Variants in NBEA observed in about 807,000 individuals in gnomAD.
NBEA encodes neurobeachin, also known as lysosomal-trafficking regulator 2.
Under a neutral mutation model 343.4 loss-of-function variants are expected in NBEA, and 44 were observed. The ratio of observed to expected loss-of-function variants is 0.13; its 90% CI spans 0.10 to 0.16. The LOEUF (loss-of-function observed/expected upper bound fraction) is 0.16, where lower values mean the gene tolerates loss of function less well. Ranked by LOEUF, NBEA falls within the 10% of genes least tolerant of loss-of-function variation. The pLI, the probability that NBEA is intolerant of heterozygous loss-of-function variation, is 1.00. For missense variants in NBEA, 2,555 were observed against 3,631.3 expected, an observed-to-expected ratio of 0.70 and a Z score of 7.62; for synonymous variants, 1,175 against 1,238.7, an observed-to-expected ratio of 0.95 and a Z score of 1.08.
intron 1 of NBEA, among the ~76,000 whole-genome samples, chr13:34,960,214 C>G (rs1413682769): frequency 6.6e-6 from 1 of 151,028 alleles, no homozygotes; most frequent in Non-Finnish European, 1.5e-5. Context: ...GTTTTTAACA[C>G]AAAAGTTTAA....
chr13:35,654,427 A>G (rs1018629048), intron 53 of NBEA, among the ~76,000 whole-genome samples: 2 of 152,224 alleles, frequency 1.3e-5, no homozygotes, highest in Admixed American at 1.3e-4. Context: ...TATAAATACC[A>G]TCTGAAAATG....
chr13:35,298,211 GTATATATA>G (rs72309538), intron 35 of NBEA, among the ~76,000 whole-genome samples: 26,533 of 102,406 alleles, frequency 0.26, 3,370 homozygotes, highest in Admixed American at 0.31. Flanking sequence ...GTGTGTGTGT[GTATATATA>G]TATATATATA....
chr13:35,130,503 A>G (rs2067359017), intron 17 of NBEA, among the ~76,000 whole-genome samples: 1 of 152,104 alleles, frequency 6.6e-6, no homozygotes, highest in Non-Finnish European at 1.5e-5. Context: ...CCACCATGTT[A>G]TGAAAAAGGT....
intron 38 of NBEA, among the ~76,000 whole-genome samples, chr13:35,417,091 A>G (rs1439158814): frequency 6.6e-6 from 1 of 152,064 alleles, no homozygotes. Context: ...TGTCCCCTTT[A>G]TCATTTTTTA....
intron 46 of NBEA, 55 bp downstream of exon 46, chr13:35,584,093 G>A (rs2081179322): frequency 6.9e-7 from 1 of 1,456,460 alleles, no homozygotes; most frequent in East Asian, 2.3e-5. Flanking sequence ...TTTAACATAA[G>A]TAAATTAAAT....
intron 34 of NBEA, among the ~76,000 whole-genome samples, chr13:35,282,167 C>T (rs1308672177): frequency 3.3e-5 from 5 of 152,096 alleles, no homozygotes; most frequent in African/African-American, 1.2e-4. Flanking sequence ...CCACCTCGGC[C>T]TCCCAAAGTG....
At chr13:35,067,540 A>G (rs1230545990) in intron 8 of NBEA, among the ~76,000 whole-genome samples, 3 of 152,068 alleles carry the variant, frequency 2.0e-5, no homozygotes, top group Admixed American at 6.6e-5. Flanking sequence ...CATCACTACA[A>G]TTTAATTTTA....
intron 40 of NBEA, among the ~76,000 whole-genome samples, chr13:35,455,462 A>T (rs912029134): frequency 1.3e-5 from 2 of 152,050 alleles, no homozygotes; most frequent in Non-Finnish European, 2.9e-5. Context: ...GCCAGACATC[A>T]AAACCAGCTT....
intron 1 of NBEA, among the ~76,000 whole-genome samples, chr13:34,987,780 C>G (rs1264033062): frequency 6.6e-6 from 1 of 150,978 alleles, no homozygotes; most frequent in Admixed American, 6.6e-5. Flanking sequence ...TCCACTTGAT[C>G]AAATAGGCTA....
At chr13:35,319,037 CT>C (rs1212432532) in intron 36 of NBEA, among the ~76,000 whole-genome samples, 1 of 152,018 alleles carries the variant, frequency 6.6e-6, no homozygotes, top group Non-Finnish European at 1.5e-5. Flanking sequence ...TTTTGTTAAT[CT>C]TTTCAAAAAC....
rs111725966 is a variant in NBEA, at chr13:35,308,635, G to GATAT, written c.5839-886_5839-883dup. 3.0e-5 allele frequency among the ~76,000 whole-genome samples: 4 copies of GATAT among 134,038 alleles called. No individual in the cohort carries two copies. The South Asian group carries it at 9.4e-4, about 31-fold the overall frequency. 87.9% of individuals were successfully genotyped at this position (134,038 alleles called of 152,430 possible). A position where few individuals can be genotyped will look rare whatever the true frequency, so the allele number is the denominator to read the frequency against. ...ATATATATATGCACACACACACACA[G>GATAT]ATATATATATGTATTTAAAACCCCA... is the stretch of plus-strand genomic sequence containing the variant. On this transcript the variant is annotated intron_variant, in intron 35 of 58. Coordinates refer to ENST00000379939, the MANE Select transcript of NBEA (RefSeq NM_001385012.1).
chr13:35,126,081 C>G (rs1196688105), intron 17 of NBEA, among the ~76,000 whole-genome samples: 1 of 152,144 alleles, frequency 6.6e-6, no homozygotes, highest in African/African-American at 2.4e-5. Context: ...GTAATCCTCA[C>G]CTGTAAAGGG....
At chr13:35,117,063 A>G (rs898345777) in intron 13 of NBEA, among the ~76,000 whole-genome samples, 5 of 152,102 alleles carry the variant, frequency 3.3e-5, no homozygotes, top group Admixed American at 3.3e-4. Flanking sequence ...TTTAATTGAG[A>G]GTGGAAGACA....
At chr13:34,993,838 T>A (rs1158166512) in intron 1 of NBEA, among the ~76,000 whole-genome samples, 2 of 152,188 alleles carry the variant, frequency 1.3e-5, no homozygotes, top group Non-Finnish European at 2.9e-5. Context: ...TTAGCTCAAT[T>A]TTGATTATGG....
chr13:35,188,490 A>G (rs932496327), intron 30 of NBEA, among the ~76,000 whole-genome samples: 1 of 152,042 alleles, frequency 6.6e-6, no homozygotes, highest in African/African-American at 2.4e-5. Flanking sequence ...AATTATACCT[A>G]TATTTGTCTT....
At chr13:35,426,286 C>T (rs1375859378) in intron 38 of NBEA, among the ~76,000 whole-genome samples, 4 of 152,120 alleles carry the variant, frequency 2.6e-5, no homozygotes, top group Non-Finnish European at 4.4e-5. Context: ...TGGCTGCTGC[C>T]GGTTGTTCCT....
chr13:35,057,533 T>G (rs1031860628), intron 7 of NBEA, among the ~76,000 whole-genome samples: 8 of 152,198 alleles, frequency 5.3e-5, no homozygotes, highest in Non-Finnish European at 1.0e-4. Context: ...GTCTGTCCCT[T>G]TATAGAAAAC....
intron 44 of NBEA, among the ~76,000 whole-genome samples, chr13:35,562,179 ATTTC>A (rs1197068537): frequency 6.6e-6 from 1 of 152,106 alleles, no homozygotes; most frequent in East Asian, 1.9e-4. Flanking sequence ...ATATGGCAAA[ATTTC>A]TTTAACTATT....
rs546608103 is a variant in NBEA, at chr13:35,475,782, G to A, written c.6585+3246G>A. 1.1e-5 allele frequency: 17 copies of A among 1,613,924 alleles called. No homozygotes were observed. In the South Asian group the frequency reaches 1.9e-4, roughly 18 times the overall value. On this transcript the variant is annotated intron_variant, in intron 41 of 58. Transcript: ENST00000379939. ...TTTTGCGCGCCGAGAGGTAGCCGGA[G>A]GCGGTAATGAATTCCACCCAGAGGG...
Sources: allele counts gnomAD v4.1 joint callset (sites outside exome capture counted in the v4.1 genomes callset), GRCh38; gene constraint gnomAD v4.1.1; transcripts MANE v1.5; gene names NCBI Gene and HGNC (gene_info 2026-07-23, HGNC 2026-07-21).